The following TDRD12 variants were observed in gnomAD, a reference collection of about 807,000 sequenced individuals.
TDRD12 encodes the protein tudor domain containing 12, also known as putative ATP-dependent RNA helicase TDRD12.
TDRD12 carries 158 observed loss-of-function variants against 133.5 expected under a neutral mutation model. That is an observed-to-expected ratio of 1.18 (90% CI 1.04 to 1.35). The LOEUF (loss-of-function observed/expected upper bound fraction) is 1.35, where lower values mean the gene tolerates loss of function less well. TDRD12 is among the 40% of genes most tolerant of loss of function. The pLI is 0.00. For missense variants in TDRD12, 1,443 were observed against 1,321.3 expected, an observed-to-expected ratio of 1.09 and a Z score of -1.43; for synonymous variants, 460 against 477.9, an observed-to-expected ratio of 0.96 and a Z score of 0.49.
intron 3 of TDRD12, among the ~76,000 whole-genome samples, chr19:32,740,239 A>T (rs1287520616): frequency 6.2e-5 from 3 of 48,330 alleles, no homozygotes; most frequent in African/African-American, 2.1e-4. Flanking sequence ...TCTCCTGGGC[A>T]CTCTCTGCAT....
intron 3 of TDRD12, among the ~76,000 whole-genome samples, chr19:32,739,226 G>A (rs1020910265): frequency 7.2e-5 from 11 of 152,152 alleles, no homozygotes; most frequent in Non-Finnish European, 1.5e-4. Context: ...CCCACTGTCC[G>A]TCCTGGCAGG....
At chr19:32,731,580 T>G in intron 1 of TDRD12, 145 bp from the exon 2 acceptor site, 1 of 688,680 alleles carries the variant, frequency 1.5e-6, no homozygotes, top group Non-Finnish European at 2.3e-6. Context: ...AATTTTATCT[T>G]CGGTCTAACC....
In TDRD12 at chr19:32,792,116, C is replaced by G. The variant is rs552610088; in HGVS notation, c.1287+1048C>G. On this transcript the variant is annotated intron_variant, in intron 13 of 27. Coordinates refer to ENST00000444215, the Ensembl canonical transcript of TDRD12. ...CAAAAATTCGCCAGGCATGGTGGTACATGCCTGTAGTCCCAGCTACTTGGG... is the reference window on the plus strand; with the variant it reads ...CAAAAATTCGCCAGGCATGGTGGTAGATGCCTGTAGTCCCAGCTACTTGGG... Among the ~76,000 whole-genome samples, 6 of 152,120 alleles carry G rather than the reference C, an allele frequency of 3.9e-5. No homozygotes were observed. The South Asian group carries it at 1.2e-3, about 32-fold the overall frequency.
chr19:32,797,721 G>A lies in TDRD12; in HGVS notation c.1474-14G>A, dbSNP rs2145685646. The A allele has an allele frequency of 1.5e-6, 1 of 655,542 alleles. No individual in the cohort carries two copies. Among genetic ancestry groups the A allele is most frequent in the South Asian group, 1.7e-5 (1 of 58,986 alleles). The allele number at this position is 655,542 out of a possible 1,614,324, so 40.6% of individuals were successfully genotyped here. On this transcript the variant is annotated splice_polypyrimidine_tract_variant and intron_variant, in intron 14 of 27. Coordinates refer to ENST00000444215, the Ensembl canonical transcript of TDRD12. ...CTACTGTCTGGAGTCATTTGAATTT[G>A]TCTGTCTTCGCAGCCTCTCGCAGTC... is the stretch of plus-strand genomic sequence containing the variant.
At position 32,719,909 on chromosome 19, in the gene TDRD12, C is replaced by G. The variant is rs966111864; in HGVS notation, c.-164C>G. ...CGGGGTCCGCGAGGGCTCCTGGGGACGAGGAGTGTGGGGCACCTGCCGCGG... is the reference window on the plus strand; with the variant it reads ...CGGGGTCCGCGAGGGCTCCTGGGGAGGAGGAGTGTGGGGCACCTGCCGCGG... On this transcript the variant is annotated 5_prime_UTR_variant, in exon 1 of 28. Coordinates refer to ENST00000444215, the Ensembl canonical transcript of TDRD12. 7.4e-6 allele frequency: 6 copies of G among 809,564 alleles called. No individual in the cohort carries two copies. In the East Asian group the frequency reaches 1.3e-4, roughly 18 times the overall value. 50.1% of individuals were successfully genotyped at this position (809,564 alleles called of 1,614,324 possible). A position where few individuals can be genotyped will look rare whatever the true frequency, so the allele number is the denominator to read the frequency against.
chr19:32,724,322 C>T (rs1051939589), intron 1 of TDRD12, among the ~76,000 whole-genome samples: 1 of 152,010 alleles, frequency 6.6e-6, no homozygotes, highest in East Asian at 1.9e-4. Context: ...AACTATTAAC[C>T]CATCATCTAG....
rs1171631777 is a variant in TDRD12, at chr19:32,749,873, A to G, written c.582+4A>G. On this transcript the variant is annotated splice_donor_region_variant and intron_variant, in intron 6 of 27. Transcript: ENST00000444215. ...TGTAACTATAAAAGATGAAAAAGTAAGTGAAAGAATTGTATTTTTATAATA... is the reference window on the plus strand; with the variant it reads ...TGTAACTATAAAAGATGAAAAAGTAGGTGAAAGAATTGTATTTTTATAATA... 3 of 1,503,508 alleles carry G rather than the reference A, an allele frequency of 2.0e-6. No individual in the cohort carries two copies. The highest frequency in any genetic ancestry group is 2.8e-5 in the African/African-American group (2 of 71,516). The allele number at this position is 1,503,508 out of a possible 1,614,324, so 93.1% of individuals were successfully genotyped here. A position where few individuals can be genotyped will look rare whatever the true frequency, so the allele number is the denominator to read the frequency against.
intron 1 of TDRD12, among the ~76,000 whole-genome samples, chr19:32,723,222 C>T (rs960553787): frequency 2.0e-5 from 3 of 151,888 alleles, no homozygotes; most frequent in East Asian, 1.9e-4. Context: ...CAATACCACA[C>T]TGTCTTATTA....
At chr19:32,770,248 C>G (rs960620246) in intron 8 of TDRD12, among the ~76,000 whole-genome samples, 1 of 152,126 alleles carries the variant, frequency 6.6e-6, no homozygotes, top group African/African-American at 2.4e-5. Flanking sequence ...CTCAAGTGAT[C>G]CACCTGCCTT....
intron 11 of TDRD12, among the ~76,000 whole-genome samples, chr19:32,781,216 A>G (rs969691843): frequency 1.3e-5 from 2 of 152,166 alleles, no homozygotes; most frequent in Admixed American, 6.5e-5. Flanking sequence ...TGCTGGGATT[A>G]CAGGCGTGAG....
intron 4 of TDRD12, among the ~76,000 whole-genome samples, chr19:32,745,715 CAG>C (rs1186966311): frequency 2.8e-5 from 2 of 71,260 alleles, no homozygotes; most frequent in Non-Finnish European, 5.6e-5. Flanking sequence ...CTGTGTGTGA[CAG>C]AGAGTGGGAG....
At chr19:32,738,882 A>G (rs566004040) in exon 3 of TDRD12, 222 of 1,551,396 alleles carry the variant, frequency 1.4e-4, no homozygotes, top group South Asian at 7.5e-4. Flanking sequence ...GTGAGGAGCT[A>G]AAGTGCTGGT....
intron 8 of TDRD12, among the ~76,000 whole-genome samples, chr19:32,764,154 A>G (rs1970231110): frequency 9.1e-6 from 1 of 109,810 alleles, no homozygotes; most frequent in South Asian, 3.0e-4. Flanking sequence ...CCTGTTGCCC[A>G]GGCTGGAGTG....
At chr19:32,730,514 T>C (rs963095254) in intron 1 of TDRD12, among the ~76,000 whole-genome samples, 1 of 152,208 alleles carries the variant, frequency 6.6e-6, no homozygotes, top group Non-Finnish European at 1.5e-5. Flanking sequence ...ACAGGTGATA[T>C]AGAAACTATT....
At chr19:32,821,059 G>T (rs1400500361) in exon 28 of TDRD12, 3 of 1,535,966 alleles carry the variant, frequency 2.0e-6, no homozygotes, top group South Asian at 2.4e-5. Flanking sequence ...GATGCTGCTT[G>T]CCTGCAGAGC....
At chr19:32,734,892 G>C (rs1004362792) in intron 2 of TDRD12, among the ~76,000 whole-genome samples, 16 of 152,154 alleles carry the variant, frequency 1.1e-4, no homozygotes, top group African/African-American at 3.9e-4. Flanking sequence ...ATAGTGATCT[G>C]TGGCCAGTGA....
intron 27 of TDRD12, among the ~76,000 whole-genome samples, chr19:32,818,463 A>G (rs567139681): frequency 2.9e-4 from 44 of 152,318 alleles, no homozygotes; most frequent in Non-Finnish European, 5.4e-4. Flanking sequence ...GTTCGTGGCT[A>G]CTGTGTTGAG....
At chr19:32,824,447 C>G (rs1967516710), downstream of TDRD12, 1 of 153,474 alleles carries the variant, frequency 6.5e-6, no homozygotes, top group Non-Finnish European at 1.4e-5. Context: ...GTTTGTGTTG[C>G]ATGTGGCCCG....
intron 8 of TDRD12, among the ~76,000 whole-genome samples, chr19:32,768,353 C>T (rs1300309574): frequency 2.0e-5 from 3 of 150,632 alleles, no homozygotes; most frequent in Admixed American, 2.0e-4. Context: ...TATTTCCCTT[C>T]ATATTTATCA....
Sources: allele counts gnomAD v4.1 joint callset (sites outside exome capture counted in the v4.1 genomes callset), GRCh38; gene constraint gnomAD v4.1.1; transcripts MANE v1.5; gene names NCBI Gene and HGNC (gene_info 2026-07-23, HGNC 2026-07-21).